The following IL1RAP variants were observed in gnomAD, a reference collection of about 807,000 sequenced individuals.
The protein encoded by IL1RAP is interleukin 1 receptor accessory protein.
IL1RAP carries 35 observed loss-of-function variants against 60.7 expected under a neutral mutation model. The ratio of observed to expected loss-of-function variants is 0.58; its 90% CI spans 0.44 to 0.76. The LOEUF (loss-of-function observed/expected upper bound fraction) is 0.76. IL1RAP is among the 30% of genes least tolerant of loss of function. The pLI is 0.00. For missense variants in IL1RAP, 572 were observed against 693.9 expected (o/e 0.82, Z 1.97); for synonymous variants, 268 against 250.9 (o/e 1.07, Z -0.64).
intron 4 of IL1RAP, 31 bp from the exon 5 acceptor site, chr3:190,608,964 C>T (rs1730592484): frequency 1.3e-6 from 2 of 1,557,208 alleles, no homozygotes; most frequent in Non-Finnish European, 8.8e-7. Context: ...AATGCAAATA[C>T]TACCCATTCA....
chr3:190,626,420 G>T (rs1281114756), intron 7 of IL1RAP, among the ~76,000 whole-genome samples: 4 of 152,086 alleles, frequency 2.6e-5, no homozygotes, highest in Non-Finnish European at 5.9e-5. Flanking sequence ...TTCCATCTCA[G>T]AGGGATAGCA....
In IL1RAP at chr3:190,650,608, A is replaced by T. The variant is rs1734336508; in HGVS notation, c.*1903A>T. The T allele has an allele frequency of 1.2e-6, 1 of 866,242 alleles. No homozygotes were observed. The highest frequency in any genetic ancestry group is 6.2e-5 in the Admixed American group (1 of 16,110). The allele number at this position is 866,242 out of a possible 1,614,324, so 53.7% of individuals were successfully genotyped here. A position where few individuals can be genotyped will look rare whatever the true frequency, so the allele number is the denominator to read the frequency against. Reference sequence around the variant, plus strand: ...TTATATCCTATATTTAAGTACCCATAATAAATCATTTCCCTCTATAAGTGT... The same window carrying T: ...TTATATCCTATATTTAAGTACCCATTATAAATCATTTCCCTCTATAAGTGT... On this transcript the variant is annotated 3_prime_UTR_variant, in exon 12 of 12. Transcript: ENST00000447382.
chr3:190,617,631 T>A (rs1731393195), intron 5 of IL1RAP, among the ~76,000 whole-genome samples: 1 of 152,210 alleles, frequency 6.6e-6, no homozygotes, highest in Admixed American at 6.5e-5. Flanking sequence ...AATCTAAATC[T>A]TTTTTTATGT....
At chr3:190,517,511 T>A (rs1184792884) in intron 1 of IL1RAP, among the ~76,000 whole-genome samples, 1 of 152,214 alleles carries the variant, frequency 6.6e-6, no homozygotes, top group Non-Finnish European at 1.5e-5. Context: ...TCACTCCTCC[T>A]TGTGGAAAGT....
chr3:190,557,929 T>G (rs1725562950), intron 2 of IL1RAP, among the ~76,000 whole-genome samples: 1 of 152,190 alleles, frequency 6.6e-6, no homozygotes, highest in Non-Finnish European at 1.5e-5. Flanking sequence ...TCATGTGCCC[T>G]TCTTTTGCAG....
intron 3 of IL1RAP, among the ~76,000 whole-genome samples, chr3:190,566,814 C>A (rs568763212): frequency 6.6e-6 from 1 of 152,236 alleles, no homozygotes; most frequent in South Asian, 2.1e-4. Flanking sequence ...GAAATCATTG[C>A]GCATCTTGAG....
chr3:190,528,889 C>T (rs544816172), intron 1 of IL1RAP, among the ~76,000 whole-genome samples: 44 of 152,186 alleles, frequency 2.9e-4, no homozygotes, highest in African/African-American at 9.2e-4. Context: ...ATGGTCTGAC[C>T]GGGGTGAGTG....
In IL1RAP at chr3:190,517,154, A is replaced by G. The variant is rs144155893; in HGVS notation, c.-89+2935A>G. Among the ~76,000 whole-genome samples, 11 of 152,336 alleles carry G rather than the reference A, an allele frequency of 7.2e-5. No homozygotes were observed. In the East Asian group the frequency reaches 1.9e-3, roughly 27 times the overall value. On this transcript the variant is annotated intron_variant, in intron 1 of 11. Coordinates refer to ENST00000447382, the MANE Select transcript of IL1RAP (RefSeq NM_002182.4). ...GTGGAGCCAACTGTCATAAGAGGGT[A>G]TTTAAAGCAATGGTCTCTAAGACAA...
chr3:190,636,119 A>C (rs573004687), intron 9 of IL1RAP, among the ~76,000 whole-genome samples: 1 of 152,344 alleles, frequency 6.6e-6, no homozygotes, highest in South Asian at 2.1e-4. Context: ...CTTAAAAAAA[A>C]AGTATTTGCA....
At chr3:190,565,183 C>G (rs73060128) in intron 3 of IL1RAP, among the ~76,000 whole-genome samples, 1,827 of 148,374 alleles carry the variant, frequency 0.012, 43 homozygotes, top group African/African-American at 0.043. Context: ...AAAAAAGAAA[C>G]AAACAAACAA....
At position 190,627,960 on chromosome 3, in the gene IL1RAP, C is replaced by T. The variant is rs530325132; in HGVS notation, c.902+511C>T. On this transcript the variant is annotated intron_variant, in intron 8 of 11. Transcript: ENST00000447382. ...GCAGTGAGCATGCATTTTCTCTCTCCTCCTCTTTCTTATCTCATATAACCT... is the reference window on the plus strand; with the variant it reads ...GCAGTGAGCATGCATTTTCTCTCTCTTCCTCTTTCTTATCTCATATAACCT... 2.5e-3 allele frequency among the ~76,000 whole-genome samples: 386 copies of T among 151,956 alleles called. 1 individual carries two copies. The highest frequency in any genetic ancestry group is 4.6e-3 in the South Asian group (22 of 4,808).
At chr3:190,592,093 C>T (rs1168420045) in intron 3 of IL1RAP, among the ~76,000 whole-genome samples, 17 of 152,166 alleles carry the variant, frequency 1.1e-4, no homozygotes, top group Non-Finnish European at 1.5e-5. Flanking sequence ...GATCTCGGCT[C>T]ACTGAAACAT....
intron 5 of IL1RAP, among the ~76,000 whole-genome samples, chr3:190,610,718 G>A (rs547442304): frequency 6.6e-6 from 1 of 152,132 alleles, no homozygotes; most frequent in South Asian, 2.1e-4. Flanking sequence ...CAGAACTCCC[G>A]AGAGAAATAA....
Position 190,648,813 on chromosome 3 carries a change from G to A in IL1RAP, c.*108G>A, listed in dbSNP as rs1734222414. 5.5e-6 allele frequency: 8 copies of A among 1,467,006 alleles called. No homozygotes were observed. The highest frequency in any genetic ancestry group is 2.2e-4 in the Middle Eastern group (1 of 4,640). 90.9% of individuals were successfully genotyped at this position (1,467,006 alleles called of 1,614,324 possible). A position where few individuals can be genotyped will look rare whatever the true frequency, so the allele number is the denominator to read the frequency against. On this transcript the variant is annotated 3_prime_UTR_variant, in exon 12 of 12. Coordinates refer to ENST00000447382, the MANE Select transcript of IL1RAP (RefSeq NM_002182.4). ...TTCATAGGCAAAAATAATGGTCTAA[G>A]CCTCCCAATAGGGATAAATTTAGGG...
chr3:190,527,159 A>C (rs1307285818), intron 1 of IL1RAP, among the ~76,000 whole-genome samples: 1 of 152,176 alleles, frequency 6.6e-6, no homozygotes, highest in Non-Finnish European at 1.5e-5. Flanking sequence ...AGAAGACTAA[A>C]GTTTTGCCCC....
intron 1 of IL1RAP, among the ~76,000 whole-genome samples, chr3:190,524,989 CAT>C (rs35063682): frequency 0.3 from 45,626 of 151,584 alleles, 8,494 homozygotes; most frequent in Non-Finnish European, 0.4. Flanking sequence ...TGTCTATGTA[CAT>C]ATATATATGT....
chr3:190,601,570 G>C (rs1729863876), intron 3 of IL1RAP, among the ~76,000 whole-genome samples: 1 of 152,236 alleles, frequency 6.6e-6, no homozygotes, highest in African/African-American at 2.4e-5. Context: ...GAAAGCTTCA[G>C]ATTCTTCACT....
At chr3:190,641,823 A>G (rs2108849686) in intron 9 of IL1RAP, among the ~76,000 whole-genome samples, 1 of 152,310 alleles carries the variant, frequency 6.6e-6, no homozygotes, top group South Asian at 2.1e-4. Flanking sequence ...TGTTAACATA[A>G]CGTACTCAGA....
At chr3:190,552,681 G>C (rs1007616044) in intron 1 of IL1RAP, among the ~76,000 whole-genome samples, 1 of 151,942 alleles carries the variant, frequency 6.6e-6, no homozygotes, top group Non-Finnish European at 1.5e-5. Flanking sequence ...TCTCATATTT[G>C]GATTATTAGC....
Sources: allele counts gnomAD v4.1 joint callset (sites outside exome capture counted in the v4.1 genomes callset), GRCh38; gene constraint gnomAD v4.1.1; transcripts MANE v1.5; gene names NCBI Gene and HGNC (gene_info 2026-07-23, HGNC 2026-07-21).